FAM20A: variants seen among roughly 807,000 people sequenced by gnomAD.
FAM20A encodes the protein FAM20A golgi associated secretory pathway pseudokinase, also known as pseudokinase FAM20A.
Under a neutral mutation model 52.0 loss-of-function variants are expected in FAM20A, and 42 were observed. The observed-to-expected ratio is 0.81, with a 90% confidence interval of 0.63 to 1.04. The LOEUF is 1.04. FAM20A is among the 50% of genes least tolerant of loss of function. The pLI, the probability that FAM20A is intolerant of heterozygous loss-of-function variation, is 0.00. For synonymous variants in FAM20A, 304 were observed against 298.9 expected, an observed-to-expected ratio of 1.02 and a Z score of -0.18; for missense variants, 742 against 712.7, an observed-to-expected ratio of 1.04 and a Z score of -0.47.
At position 68,537,506 on chromosome 17, in the gene FAM20A, C is replaced by G; in HGVS notation, c.1597G>C (p.Asp533His). 1 of 1,613,920 alleles carries G rather than the reference C, an allele frequency of 6.2e-7. No homozygotes were observed. Among genetic ancestry groups the G allele is most frequent in the Non-Finnish European group, 8.5e-7 (1 of 1,179,972 alleles). ...CTTGTCAAGTTAGCCTGGCCAGAGT[C>G]TGGGGCCAACTGTTCCACTGGGCCG... ...VDGPVEQLAPDSGQANLTS is the reference protein window; with the variant it reads ...VDGPVEQLAPHSGQANLTS Residue 533 changes from aspartate (D) to histidine (H), a missense_variant, in exon 11 of 11, where the codon GAC (aspartate) becomes CAC (histidine). Asp to His is a moderately conservative substitution (Grantham distance 81, BLOSUM62 -1). Transcript: ENST00000592554. This position sits in a 1 kb window ranked among gnomAD's most constrained non-coding sequence, Gnocchi z 4.2.
chr17:68,549,844 T>C (rs941442307), intron 4 of FAM20A, among the ~76,000 whole-genome samples: 1 of 152,252 alleles, frequency 6.6e-6, no homozygotes, highest in African/African-American at 2.4e-5. Context: ...TTTGCTGTTA[T>C]AGCTCTCATT....
At chr17:68,591,086 A>G (rs542038230) in intron 1 of FAM20A, among the ~76,000 whole-genome samples, 30 of 100,688 alleles carry the variant, frequency 3.0e-4, no homozygotes, top group African/African-American at 1.3e-3. Context: ...CACAGAGTCC[A>G]AGGACTCTGT....
intron 7 of FAM20A, 52 bp from the exon 8 acceptor site, chr17:68,541,010 CG>C: frequency 6.5e-7 from 1 of 1,549,666 alleles, no homozygotes; most frequent in Non-Finnish European, 8.7e-7. Flanking sequence ...GGCAGGGTGT[CG>C]GGGGTCTCCC....
At chr17:68,590,316 TC>T (rs779521985) in intron 1 of FAM20A, 4 of 152,114 alleles carry the variant, frequency 2.6e-5, no homozygotes, top group Admixed American at 2.0e-4. Flanking sequence ...GGTCACAGAC[TC>T]CCCCTCTTCC....
chr17:68,545,559 TG>T (rs1196487041), intron 4 of FAM20A, among the ~76,000 whole-genome samples: 1 of 152,250 alleles, frequency 6.6e-6, no homozygotes, highest in Non-Finnish European at 1.5e-5. Flanking sequence ...ATAATCTTTT[TG>T]CTGACTGACT....
At chr17:68,553,027 C>T (rs923163193) in intron 3 of FAM20A, among the ~76,000 whole-genome samples, 2 of 152,052 alleles carry the variant, frequency 1.3e-5, no homozygotes, top group Non-Finnish European at 2.9e-5. Flanking sequence ...GCTTTGTGTC[C>T]CCACCCAAAT....
At position 68,536,468 on chromosome 17, in the gene FAM20A, A is replaced by G. The variant is rs897673069; in HGVS notation, c.*1009T>C. The G allele has an allele frequency of 2.2e-6, 1 of 454,108 alleles. No homozygotes were observed. Among genetic ancestry groups the G allele is most frequent in the Non-Finnish European group, 4.4e-6 (1 of 226,784 alleles). The allele number at this position is 454,108 out of a possible 1,614,324, so 28.1% of individuals were successfully genotyped here. On this transcript the variant is annotated 3_prime_UTR_variant, in exon 11 of 11. Transcript: ENST00000592554. ...GTAGAGGAGACAAGGAATCCCTACT[A>G]CACTTTCTTCTAAGGGAGGCTTCAA...
intron 1 of FAM20A, among the ~76,000 whole-genome samples, chr17:68,577,499 T>C (rs547128417): frequency 1.3e-5 from 2 of 152,332 alleles, no homozygotes; most frequent in South Asian, 4.1e-4. Flanking sequence ...TTGGTTGTCA[T>C]AGTTGGTGGG....
At chr17:68,541,956 T>A in intron 7 of FAM20A, 29 bp downstream of exon 7, 1 of 1,606,470 alleles carries the variant, frequency 6.2e-7, no homozygotes, top group Non-Finnish European at 8.5e-7. Flanking sequence ...TGTCAAGGAC[T>A]GGGCTGTGTG....
chr17:68,550,325 A>T (rs1456236182), intron 4 of FAM20A, among the ~76,000 whole-genome samples: 1 of 151,594 alleles, frequency 6.6e-6, no homozygotes, highest in Non-Finnish European at 1.5e-5. Context: ...AAGTTGATCT[A>T]ACAACTAGGA....
At chr17:68,560,404 A>T (rs1279998751) in intron 1 of FAM20A, among the ~76,000 whole-genome samples, 1 of 151,976 alleles carries the variant, frequency 6.6e-6, no homozygotes, top group Non-Finnish European at 1.5e-5. Flanking sequence ...ATGTGAAGAG[A>T]GAAGGCTTCA....
chr17:68,571,117 A>G (rs569180579), intron 1 of FAM20A, among the ~76,000 whole-genome samples: 1 of 152,164 alleles, frequency 6.6e-6, no homozygotes, highest in Non-Finnish European at 1.5e-5. Context: ...AAAATGAGAA[A>G]GGGGCTGTCA....
At chr17:68,584,089 G>T (rs150375624) in intron 1 of FAM20A, among the ~76,000 whole-genome samples, 88 of 152,320 alleles carry the variant, frequency 5.8e-4, no homozygotes, top group African/African-American at 2.0e-3. Flanking sequence ...GGACGAGGCA[G>T]GTGGATCACT....
At position 68,554,882 on chromosome 17, in the gene FAM20A, T is replaced by G; in HGVS notation, c.590-55A>C. On this transcript the variant is annotated intron_variant, in intron 2 of 10. Coordinates refer to ENST00000592554, the MANE Select transcript of FAM20A (RefSeq NM_017565.4). ...TTCCAGTCTTGTTCCTGGGAGAGCC[T>G]ACAACATGGAGGTCCCTTGACTCTG... 3.2e-6 allele frequency: 5 copies of G among 1,576,028 alleles called. No individual in the cohort carries two copies. In the Admixed American group the frequency reaches 8.4e-5, roughly 26 times the overall value.
In FAM20A at chr17:68,542,797, G is replaced by C; in HGVS notation, c.825C>G (p.Phe275Leu). The C allele has an allele frequency of 1.2e-6, 2 of 1,613,738 alleles. No individual in the cohort carries two copies. Among genetic ancestry groups the C allele is most frequent in the East Asian group, 4.5e-5 (2 of 44,886 alleles). Residue 275 changes from phenylalanine (F) to leucine (L), a missense_variant, in exon 6 of 11, where the codon TTC becomes TTG. Phe to Leu is a conservative substitution (Grantham distance 22, BLOSUM62 0). Coordinates refer to ENST00000592554, the MANE Select transcript of FAM20A (RefSeq NM_017565.4). ...AAFHLDRILD[F>L]RRVPPTVGRI... ...TCCCCACTGTTGGCGGCACCCGTCG[G>C]AAGTCCAGAATCCTGCAAGAGAGGA...
At chr17:68,542,599 A>T (rs992396036) in intron 6 of FAM20A, 95 bp downstream of exon 6, 8 of 930,362 alleles carry the variant, frequency 8.6e-6, no homozygotes, top group Non-Finnish European at 1.4e-5. Context: ...GGATAGTGCT[A>T]GCAGCAGGGT....
chr17:68,580,010 G>A (rs58295246), intron 1 of FAM20A, among the ~76,000 whole-genome samples: 26,526 of 151,994 alleles, frequency 0.17, 2,479 homozygotes, highest in East Asian at 0.34. Context: ...TTAATAGTTT[G>A]CATTTGCATA....
intron 1 of FAM20A, among the ~76,000 whole-genome samples, chr17:68,574,535 A>G (rs73363280): frequency 1.3e-5 from 2 of 152,124 alleles, no homozygotes; most frequent in Non-Finnish European, 1.5e-5. Context: ...CACATTGGAG[A>G]TTAAGTTTTA....
chr17:68,569,932 GTC>G (rs961206366), intron 1 of FAM20A, among the ~76,000 whole-genome samples: 6 of 152,148 alleles, frequency 3.9e-5, no homozygotes, highest in African/African-American at 1.4e-4. Context: ...GTTGCACAGT[GTC>G]TCTCTCCTTT....
Sources: allele counts gnomAD v4.1 joint callset (sites outside exome capture counted in the v4.1 genomes callset), GRCh38; gene constraint gnomAD v4.1.1; non-coding constraint Gnocchi (gnomAD v3.1); transcripts MANE v1.5; gene names NCBI Gene and HGNC (gene_info 2026-07-23, HGNC 2026-07-21).